Variants in DIPK1A observed in about 807,000 individuals in gnomAD.
DIPK1A encodes the protein family with sequence similarity 69 member A.
In DIPK1A, 27 loss-of-function variants were observed where a neutral mutation model predicts 40.8. The observed-to-expected ratio is 0.66, with a 90% CI of 0.49 to 0.91. The LOEUF is 0.91. DIPK1A is among the 40% of genes least tolerant of loss of function. The pLI, the probability that DIPK1A is intolerant of heterozygous loss-of-function variation, is 0.00. For missense variants in DIPK1A, 412 were observed against 505.7 expected, an observed-to-expected ratio of 0.81 and a Z score of 1.78; for synonymous variants, 166 against 171.3, an observed-to-expected ratio of 0.97 and a Z score of 0.24.
chr1:92,863,515 T>C (rs1255205419), intron 2 of DIPK1A, among the ~76,000 whole-genome samples: 2 of 140,140 alleles, frequency 1.4e-5, no homozygotes, highest in Middle Eastern at 4.3e-3. Context: ...GGGAAATCAA[T>C]TGAAGCTAAG....
intron 1 of DIPK1A, among the ~76,000 whole-genome samples, chr1:92,892,906 T>C (rs1023902555): frequency 1.3e-5 from 2 of 151,954 alleles, no homozygotes; most frequent in Admixed American, 1.3e-4. Flanking sequence ...GTATCAGTGA[T>C]GGAAGATCAA....
chr1:92,948,678 CATGTATATGTAT>C (rs1651479401), intron 1 of DIPK1A, among the ~76,000 whole-genome samples: 1 of 122,078 alleles, frequency 8.2e-6, no homozygotes, highest in East Asian at 2.1e-4. Flanking sequence ...TGTATATATA[CATGTATATGTAT>C]ATATACACAT....
chr1:92,961,409 C>A lies in DIPK1A; in HGVS notation c.21G>T (p.Pro7=), dbSNP rs767529723. 1 of 1,527,880 alleles carries A rather than the reference C, an allele frequency of 6.5e-7. No homozygotes were observed. Among genetic ancestry groups the A allele is most frequent in the Non-Finnish European group, 8.8e-7 (1 of 1,135,358 alleles). The allele number at this position is 1,527,880 out of a possible 1,614,324, so 94.6% of individuals were successfully genotyped here. The change falls in exon 1 of 5, where the codon CCG becomes CCT. Residue 7 remains proline, a synonymous_variant. Transcript: ENST00000370310. ...AATAGGGTTTCCTTAGCCAGGCCCCCGGACAGAGACTCCTCGCCATGGTAA... is the reference window on the plus strand; with the variant it reads ...AATAGGGTTTCCTTAGCCAGGCCCCAGGACAGAGACTCCTCGCCATGGTAA... MARSLC[P]GAWLRKPYYL...
intron 2 of DIPK1A, among the ~76,000 whole-genome samples, chr1:92,866,652 T>C (rs1270222554): frequency 6.6e-6 from 1 of 152,172 alleles, no homozygotes; most frequent in Non-Finnish European, 1.5e-5. Context: ...GCAGATGTAA[T>C]TAAAATTCAT....
chr1:92,859,376 TC>T (rs2100743250), intron 2 of DIPK1A, among the ~76,000 whole-genome samples: 2 of 152,268 alleles, frequency 1.3e-5, no homozygotes, highest in South Asian at 4.1e-4. Flanking sequence ...TCTCTCTCTC[TC>T]AGCCATTAAA....
intron 1 of DIPK1A, among the ~76,000 whole-genome samples, chr1:92,897,666 A>T (rs78411751): frequency 1.4e-5 from 2 of 141,228 alleles, no homozygotes; most frequent in African/African-American, 5.3e-5. Context: ...TAAAAAAAAA[A>T]TTTCCTTTTT....
intron 1 of DIPK1A, among the ~76,000 whole-genome samples, chr1:92,915,521 G>T (rs1650018128): frequency 6.6e-6 from 1 of 152,106 alleles, no homozygotes; most frequent in African/African-American, 2.4e-5. Flanking sequence ...GTATCTCAGG[G>T]TAATTATCAG....
chr1:92,911,512 A>G (rs1317554642), intron 1 of DIPK1A, among the ~76,000 whole-genome samples: 1 of 152,208 alleles, frequency 6.6e-6, no homozygotes, highest in Non-Finnish European at 1.5e-5. Flanking sequence ...AGTTCCTTGC[A>G]TGGTATTGTT....
chr1:92,849,370 CAG>C (rs1210308156), intron 3 of DIPK1A, among the ~76,000 whole-genome samples: 2 of 148,378 alleles, frequency 1.3e-5, no homozygotes. Flanking sequence ...TTTTTTGAGA[CAG>C]GGTGTCACTC....
intron 1 of DIPK1A, among the ~76,000 whole-genome samples, chr1:92,940,881 AATGTCTTCATCTGTGTTTACTTGCCATCT>A (rs879548382): frequency 3.9e-4 from 60 of 152,324 alleles, no homozygotes; most frequent in Admixed American, 3.9e-3. Context: ...AATAAGCTTG[AATGTCTTCATCTGTGTTTACTTGCCATCT>A]ATATAGCTTT....
chr1:92,872,328 C>A (rs554996582), intron 2 of DIPK1A, among the ~76,000 whole-genome samples: 12 of 151,980 alleles, frequency 7.9e-5, no homozygotes, highest in South Asian at 6.2e-4. Flanking sequence ...GTGATCTGCC[C>A]ACCTTGGCCT....
At chr1:92,924,686 G>T (rs1042039913) in intron 1 of DIPK1A, among the ~76,000 whole-genome samples, 1 of 152,178 alleles carries the variant, frequency 6.6e-6, no homozygotes, top group Non-Finnish European at 1.5e-5. Flanking sequence ...CGAACAACAG[G>T]CTCTAGATGT....
chr1:92,906,347 A>G (rs1649622239), intron 1 of DIPK1A, among the ~76,000 whole-genome samples: 1 of 152,160 alleles, frequency 6.6e-6, no homozygotes, highest in South Asian at 2.1e-4. Context: ...ATAGAAGCAC[A>G]AGTTGTTAAG....
chr1:92,846,835 A>ACACACG (rs1437128759), intron 4 of DIPK1A, among the ~76,000 whole-genome samples: 1 of 4,204 alleles, frequency 2.4e-4, no homozygotes, highest in African/African-American at 1.9e-3. Context: ...ATATATATAT[A>ACACACG]TATATATGTG....
intron 1 of DIPK1A, chr1:92,931,955 C>T (rs1650765307): frequency 3.0e-6 from 1 of 332,228 alleles, no homozygotes; most frequent in Non-Finnish European, 6.3e-6. Context: ...ATACATCAGG[C>T]AAATAAAGTA....
chr1:92,872,972 G>A (rs899908756), intron 2 of DIPK1A, among the ~76,000 whole-genome samples: 4 of 152,170 alleles, frequency 2.6e-5, no homozygotes, highest in Non-Finnish European at 5.9e-5. Context: ...AGGTTCCCCT[G>A]GTTTTCCACA....
In DIPK1A at chr1:92,843,163, G is replaced by C; in HGVS notation, c.*220C>G. ...ATAGTTACACAATGAATGTACTTCG[G>C]AGATGTAACAGGGCTTCTAAAAGGG... On this transcript the variant is annotated 3_prime_UTR_variant, in exon 5 of 5. Transcript: ENST00000370310. The C allele has an allele frequency of 7.8e-7, 1 of 1,287,660 alleles. No homozygotes were observed. Among genetic ancestry groups the C allele is most frequent in the Non-Finnish European group, 9.9e-7 (1 of 1,013,138 alleles). 79.8% of individuals were successfully genotyped at this position (1,287,660 alleles called of 1,614,324 possible).
intron 2 of DIPK1A, among the ~76,000 whole-genome samples, chr1:92,869,462 A>C (rs1647729623): frequency 1.3e-5 from 2 of 152,180 alleles, no homozygotes; most frequent in South Asian, 4.1e-4. Flanking sequence ...CCTGGTGCTG[A>C]CTAAATTATT....
intron 2 of DIPK1A, among the ~76,000 whole-genome samples, chr1:92,865,264 G>A (rs1231005011): frequency 6.6e-6 from 1 of 151,928 alleles, no homozygotes; most frequent in Non-Finnish European, 1.5e-5. Flanking sequence ...TTGAGAGGCT[G>A]AGGTGGGAGG....
Sources: gnomAD v4.1 joint callset for allele counts (sites outside exome capture counted in the v4.1 genomes callset) on GRCh38, gnomAD v4.1.1 for gene constraint, MANE v1.5 for transcripts, NCBI Gene and HGNC (gene_info 2026-07-23, HGNC 2026-07-21) for gene names.